TRABD2B: variants seen among roughly 807,000 people sequenced by gnomAD.
TRABD2B encodes the protein TraB domain containing 2B, also known as metalloprotease TIKI2.
TRABD2B carries 14 observed loss-of-function variants against 40.1 expected under a neutral mutation model. The observed-to-expected ratio is 0.35, with a 90% CI of 0.23 to 0.55. TRABD2B has a LOEUF of 0.55. Ranked by LOEUF, TRABD2B falls within the 20% of genes least tolerant of loss-of-function variation. The probability of loss-of-function intolerance (pLI) is 0.90; values close to 1 mark genes in which losing one functional copy is unlikely to be tolerated. For missense variants in TRABD2B, 541 were observed against 648.6 expected (o/e 0.83, Z 1.80); for synonymous variants, 263 against 277.0 (o/e 0.95, Z 0.50).
chr1:47,773,732 T>C (rs2124034216), intron 6 of TRABD2B, among the ~76,000 whole-genome samples: 1 of 152,300 alleles, frequency 6.6e-6, no homozygotes, highest in Non-Finnish European at 1.5e-5. Context: ...CAGTCTCGGG[T>C]ATGTCTTTAT....
rs922784063 is a variant in TRABD2B, at chr1:47,771,770, C to T, written c.1349+3400G>A. Among the ~76,000 whole-genome samples, 3 of 152,358 alleles carry T rather than the reference C, an allele frequency of 2.0e-5. No individual in the cohort carries two copies. The East Asian group carries it at 5.8e-4, about 29-fold the overall frequency. On this transcript the variant is annotated intron_variant, in intron 6 of 6. Transcript: ENST00000606738. ...TCTGTGGACACACGCTTCGTCTGCC[C>T]TTTCCATGGGTCCCCATAAATCATC...
intron 2 of TRABD2B, among the ~76,000 whole-genome samples, chr1:47,848,534 G>A (rs1557611318): frequency 6.6e-6 from 1 of 152,340 alleles, no homozygotes; most frequent in East Asian, 1.9e-4. Context: ...AGCAAACGTG[G>A]CTTCCAGCCC....
At chr1:47,857,193 T>G (rs912214097) in intron 2 of TRABD2B, among the ~76,000 whole-genome samples, 1 of 152,222 alleles carries the variant, frequency 6.6e-6, no homozygotes, top group Non-Finnish European at 1.5e-5. Flanking sequence ...GCAAGGATTT[T>G]CCTGAAGTGG....
At chr1:47,784,260 T>C (rs1489301132) in intron 4 of TRABD2B, among the ~76,000 whole-genome samples, 2 of 152,202 alleles carry the variant, frequency 1.3e-5, no homozygotes, top group East Asian at 1.9e-4. Context: ...TCTGAAGTAT[T>C]GGCAGCTGCA....
At chr1:47,780,372 A>G (rs560358939) in intron 4 of TRABD2B, among the ~76,000 whole-genome samples, 1 of 152,298 alleles carries the variant, frequency 6.6e-6, no homozygotes, top group Admixed American at 6.5e-5. Context: ...AGAGACCCTT[A>G]TGAAAAGATA....
At position 47,962,316 on chromosome 1, in the gene TRABD2B, C is replaced by A. The variant is rs142030821; in HGVS notation, c.666+31718G>T. Among the ~76,000 whole-genome samples the A allele has an allele frequency of 3.6e-3, 551 of 152,084 alleles. 7 individuals carry two copies. The highest frequency in any genetic ancestry group is 0.012 in the African/African-American group (478 of 41,456). On this transcript the variant is annotated intron_variant, in intron 2 of 6. Coordinates refer to ENST00000606738, the MANE Select transcript of TRABD2B (RefSeq NM_001194986.2). ...AACGTGGTACATGTATACATATGTACCAAACCTGCACGTTATGCACATGTA... is the reference window on the plus strand; with the variant it reads ...AACGTGGTACATGTATACATATGTAACAAACCTGCACGTTATGCACATGTA...
At chr1:47,919,505 A>G (rs935127986) in intron 2 of TRABD2B, among the ~76,000 whole-genome samples, 4 of 152,370 alleles carry the variant, frequency 2.6e-5, no homozygotes, top group Admixed American at 2.6e-4. Flanking sequence ...GAAGCTGGAA[A>G]AAGCAGCTCC....
intron 2 of TRABD2B, among the ~76,000 whole-genome samples, chr1:47,934,997 T>C (rs1164489636): frequency 1.3e-5 from 2 of 152,182 alleles, no homozygotes; most frequent in Non-Finnish European, 2.9e-5. Context: ...GCCCTCTCTT[T>C]ATCCACCTGG....
intron 2 of TRABD2B, among the ~76,000 whole-genome samples, chr1:47,912,292 A>T (rs1644773504): frequency 6.6e-6 from 1 of 152,380 alleles, no homozygotes; most frequent in Admixed American, 6.5e-5. Flanking sequence ...CACAAGATGT[A>T]AACTAATCTA....
chr1:47,995,519 T>TGC (rs1491033936), intron 1 of TRABD2B, among the ~76,000 whole-genome samples: 1 of 142,258 alleles, frequency 7.0e-6, no homozygotes, highest in Admixed American at 7.0e-5. Context: ...TGTGTGTGTG[T>TGC]GCGCGTGTGT....
At chr1:47,820,201 C>T (rs758694853) in intron 2 of TRABD2B, 4 of 152,246 alleles carry the variant, frequency 2.6e-5, no homozygotes, top group Non-Finnish European at 5.9e-5. Flanking sequence ...AGCCCCAGCA[C>T]ATATGATGCA....
intron 2 of TRABD2B, among the ~76,000 whole-genome samples, chr1:47,850,062 G>T (rs1645526750): frequency 6.6e-6 from 1 of 152,238 alleles, no homozygotes; most frequent in Non-Finnish European, 1.5e-5. Flanking sequence ...TTATACAAAA[G>T]AAAATCTATT....
intron 2 of TRABD2B, among the ~76,000 whole-genome samples, chr1:47,873,345 G>A (rs1644172155): frequency 6.6e-6 from 1 of 152,180 alleles, no homozygotes; most frequent in African/African-American, 2.4e-5. Context: ...ACCAGTAAGG[G>A]AGCTTTTCCA....
At position 47,813,670 on chromosome 1, in the gene TRABD2B, AT is replaced by A. The variant is rs1423442670; in HGVS notation, c.667-12052del. 6.6e-6 allele frequency among the ~76,000 whole-genome samples: 1 copy of A among 152,092 alleles called. No individual in the cohort carries two copies. Among genetic ancestry groups the A allele is most frequent in the African/African-American group, 2.4e-5 (1 of 41,410 alleles). On this transcript the variant is annotated intron_variant, in intron 2 of 6. Coordinates refer to ENST00000606738, the MANE Select transcript of TRABD2B (RefSeq NM_001194986.2). The surrounding 1 kb of genome is among the most constrained non-coding windows in gnomAD (Gnocchi z 4.3). ...CATTCTAAAAACCTTGTAAAGCAAT[AT>A]TGCCCTTCCTTAGGACACATACCCA...
chr1:47,986,515 G>A (rs1225816486), intron 2 of TRABD2B, among the ~76,000 whole-genome samples: 1 of 152,184 alleles, frequency 6.6e-6, no homozygotes, highest in Non-Finnish European at 1.5e-5. Flanking sequence ...ATATATAAGT[G>A]CTGAAAGAAT....
intron 6 of TRABD2B, among the ~76,000 whole-genome samples, chr1:47,774,288 A>G (rs904865872): frequency 6.6e-6 from 1 of 152,204 alleles, no homozygotes; most frequent in African/African-American, 2.4e-5. Context: ...TCCCCCTGAT[A>G]GAGACTCTGA....
chr1:47,782,227 A>G (rs1396043224), intron 4 of TRABD2B, among the ~76,000 whole-genome samples: 3 of 152,062 alleles, frequency 2.0e-5, no homozygotes, highest in Non-Finnish European at 4.4e-5. Flanking sequence ...CTGCTATTCA[A>G]CCTAAATAGG....
At chr1:47,775,771 A>G (rs544989863) in intron 5 of TRABD2B, among the ~76,000 whole-genome samples, 1 of 152,306 alleles carries the variant, frequency 6.6e-6, no homozygotes, top group South Asian at 2.1e-4. Context: ...ACAGAGAGTA[A>G]AACAGAGGAT....
At chr1:47,989,555 T>C (rs1645969885) in intron 2 of TRABD2B, among the ~76,000 whole-genome samples, 1 of 152,212 alleles carries the variant, frequency 6.6e-6, no homozygotes, top group African/African-American at 2.4e-5. Context: ...TGTGTGTGTA[T>C]GTCTTCACAG....
Sources: gnomAD v4.1 joint callset for allele counts (sites outside exome capture counted in the v4.1 genomes callset) on GRCh38, gnomAD v4.1.1 for gene constraint, Gnocchi (gnomAD v3.1) non-coding constraint, MANE v1.5 for transcripts, NCBI Gene and HGNC (gene_info 2026-07-23, HGNC 2026-07-21) for gene names.